The following SNX7 variants were observed in gnomAD, a reference collection of about 807,000 sequenced individuals.
SNX7 encodes sorting nexin-7.
In SNX7, 35 loss-of-function variants were observed where a neutral mutation model predicts 48.4. That is an observed-to-expected ratio of 0.72 (90% CI 0.55 to 0.96). SNX7 has a LOEUF of 0.96. SNX7 is among the 40% of genes least tolerant of loss of function. The probability of loss-of-function intolerance (pLI) is 0.00; values close to 1 mark genes in which losing one functional copy is unlikely to be tolerated. For missense variants in SNX7, 553 were observed against 548.9 expected (o/e 1.01, Z -0.07); for synonymous variants, 190 against 190.2 (o/e 1.00, Z 0.01).
At chr1:98,759,558 TAG>T in intron 8 of SNX7, among the ~76,000 whole-genome samples, 1 of 152,240 alleles carries the variant, frequency 6.6e-6, no homozygotes. Flanking sequence ...GCATTCTGCA[TAG>T]AGACTTATAC....
intron 7 of SNX7, among the ~76,000 whole-genome samples, chr1:98,735,704 T>C (rs1653737625): frequency 6.6e-6 from 1 of 152,168 alleles, no homozygotes; most frequent in Non-Finnish European, 1.5e-5. Context: ...TTAATGGTCA[T>C]TGTTTCATGC....
intron 1 of SNX7, among the ~76,000 whole-genome samples, chr1:98,678,035 T>C (rs1365115876): frequency 6.6e-6 from 1 of 151,564 alleles, no homozygotes; most frequent in Admixed American, 6.6e-5. Flanking sequence ...TAGTCTGTTC[T>C]TGCATTGCTA....
intron 7 of SNX7, among the ~76,000 whole-genome samples, chr1:98,723,769 ATTGC>A (rs1422350890): frequency 7.8e-6 from 1 of 127,868 alleles, no homozygotes; most frequent in East Asian, 2.0e-4. Flanking sequence ...GGGCAGGAGA[ATTGC>A]TTGATTGATC....
At chr1:98,724,584 A>C (rs1016996918) in intron 7 of SNX7, among the ~76,000 whole-genome samples, 2 of 152,176 alleles carry the variant, frequency 1.3e-5, no homozygotes, top group African/African-American at 4.8e-5. Flanking sequence ...TGACCTTACT[A>C]TTGTATGTAT....
At chr1:98,720,076 A>G (rs56363327) in intron 7 of SNX7, among the ~76,000 whole-genome samples, 39,939 of 151,630 alleles carry the variant, frequency 0.26, 5,607 homozygotes, top group South Asian at 0.31. Flanking sequence ...AAGACTTTCT[A>G]TATGTTCTCT....
chr1:98,738,252 G>A lies in SNX7; in HGVS notation c.1141G>A (p.Gly381Arg), dbSNP rs750953833. Residue 381 changes from glycine (G) to arginine (R), a missense_variant, in exon 8 of 9, where the codon GGA becomes AGA. Coordinates refer to ENST00000306121, the MANE Select transcript of SNX7 (RefSeq NM_015976.5). The stretch of plus-strand genomic sequence containing the variant: ...CTTAATTCAGCTTCCAGAGGAGATT[G>A]GAAAACTTGAAGATAAAGTGGAATG... ...ADTDLLPEEI[G>R]KLEDKVECAN... 3 of 1,612,778 alleles carry A rather than the reference G, an allele frequency of 1.9e-6. No individual in the cohort carries two copies. The highest frequency in any genetic ancestry group is 1.7e-5 in the Admixed American group (1 of 59,930).
intron 1 of SNX7, among the ~76,000 whole-genome samples, chr1:98,682,375 G>A (rs2100935118): frequency 6.6e-6 from 1 of 152,140 alleles, no homozygotes; most frequent in South Asian, 2.1e-4. Flanking sequence ...ATCTTCTGTT[G>A]TATCTCTTGT....
At chr1:98,721,099 T>G (rs5010319) in intron 7 of SNX7, among the ~76,000 whole-genome samples, 1 of 151,606 alleles carries the variant, frequency 6.6e-6, no homozygotes, top group Non-Finnish European at 1.5e-5. Context: ...ACCTCAAGTT[T>G]GTGTTCCCAA....
chr1:98,750,506 GA>G (rs1226212236), intron 8 of SNX7, among the ~76,000 whole-genome samples: 1 of 152,056 alleles, frequency 6.6e-6, no homozygotes. Flanking sequence ...AAAGATGAAA[GA>G]AAAGTCTTAG....
chr1:98,664,754 T>C (rs1649447550), intron 1 of SNX7, among the ~76,000 whole-genome samples: 1 of 152,154 alleles, frequency 6.6e-6, no homozygotes, highest in African/African-American at 2.4e-5. Context: ...AATTTTCTTA[T>C]AATCCAGTGA....
At chr1:98,705,681 C>T (rs1397543154) in intron 7 of SNX7, among the ~76,000 whole-genome samples, 1 of 151,958 alleles carries the variant, frequency 6.6e-6, no homozygotes, top group Admixed American at 6.6e-5. Flanking sequence ...TTGATTAAAC[C>T]AGATTGGTTT....
rs147350592 is a variant in SNX7, at chr1:98,700,998, C to A, written c.1039-819C>A. On this transcript the variant is annotated intron_variant, in intron 6 of 8. Coordinates refer to ENST00000306121, the MANE Select transcript of SNX7 (RefSeq NM_015976.5). ...CCATTTGTGCTTCTTATTAGAATTT[C>A]ATTATTTAATATTGTGAAAACCAGT... 8.2e-3 allele frequency among the ~76,000 whole-genome samples: 1,254 copies of A among 152,104 alleles called. 57 individuals are homozygous for A. Among genetic ancestry groups the A allele is most frequent in the Admixed American group, 0.074 (1,124 of 15,274 alleles).
intron 5 of SNX7, among the ~76,000 whole-genome samples, chr1:98,696,009 A>G (rs1367848721): frequency 6.6e-6 from 1 of 152,184 alleles, no homozygotes; most frequent in African/African-American, 2.4e-5. Flanking sequence ...TCAACATGGA[A>G]CAGAGCTCAG....
At chr1:98,699,868 G>A (rs1451618803) in intron 6 of SNX7, among the ~76,000 whole-genome samples, 1 of 152,150 alleles carries the variant, frequency 6.6e-6, no homozygotes, top group Non-Finnish European at 1.5e-5. Flanking sequence ...GAGTCCTCCT[G>A]TAAACAAAGC....
intron 7 of SNX7, among the ~76,000 whole-genome samples, chr1:98,715,467 A>G (rs1015672038): frequency 1.3e-5 from 2 of 152,130 alleles, no homozygotes; most frequent in Admixed American, 6.6e-5. Flanking sequence ...TCTTTTTCCA[A>G]TGTAATTAGT....
At chr1:98,758,338 T>C (rs1316216369) in intron 8 of SNX7, among the ~76,000 whole-genome samples, 1 of 152,088 alleles carries the variant, frequency 6.6e-6, no homozygotes, top group East Asian at 1.9e-4. Flanking sequence ...GAGGCCATTC[T>C]TACTAGTTGG....
intron 1 of SNX7, among the ~76,000 whole-genome samples, chr1:98,667,192 A>G (rs1470788123): frequency 2.0e-5 from 3 of 152,198 alleles, no homozygotes; most frequent in Non-Finnish European, 2.9e-5. Context: ...AGTAACTATA[A>G]CAATAGCTAA....
chr1:98,685,969 T>C (rs531365114), intron 2 of SNX7, among the ~76,000 whole-genome samples: 3 of 152,290 alleles, frequency 2.0e-5, no homozygotes, highest in African/African-American at 7.2e-5. Flanking sequence ...CCACTTACCA[T>C]ATAAGACTTA....
At chr1:98,679,538 C>A (rs925362879) in intron 1 of SNX7, among the ~76,000 whole-genome samples, 1 of 152,168 alleles carries the variant, frequency 6.6e-6, no homozygotes, top group African/African-American at 2.4e-5. Context: ...TGAGACAAGG[C>A]AAGTCCCTTC....
Sources: gnomAD v4.1 joint callset for allele counts (sites outside exome capture counted in the v4.1 genomes callset) on GRCh38, gnomAD v4.1.1 for gene constraint, MANE v1.5 for transcripts, NCBI Gene and HGNC (gene_info 2026-07-23, HGNC 2026-07-21) for gene names.